Variants in TSR1 observed in about 807,000 individuals in gnomAD.
TSR1 encodes the protein pre-rRNA-processing protein TSR1 homolog.
TSR1 carries 81 observed loss-of-function variants against 90.9 expected under a neutral mutation model. The observed-to-expected ratio is 0.89, with a 90% CI of 0.74 to 1.07. The LOEUF (loss-of-function observed/expected upper bound fraction) is 1.07. TSR1 is among the 50% of genes least tolerant of loss of function. The pLI is 0.00. For missense variants in TSR1, 989 were observed against 987.3 expected (o/e 1.00, Z -0.02); for synonymous variants, 362 against 348.8 (o/e 1.04, Z -0.42).
intron 11 of TSR1, among the ~76,000 whole-genome samples, chr17:2,328,225 G>C (rs980491263): frequency 4.3e-5 from 5 of 116,860 alleles, no homozygotes; most frequent in Non-Finnish European, 6.6e-5. Flanking sequence ...TTGAGCATCA[G>C]AGTGAGACTC....
chr17:2,333,813 A>G (rs2064025196), intron 5 of TSR1, 97 bp from the exon 6 acceptor site: 1 of 1,451,348 alleles, frequency 6.9e-7, no homozygotes, highest in South Asian at 1.2e-5. Flanking sequence ...GTCCTCATGT[A>G]TAAGATGAGT....
intron 9 of TSR1, 124 bp from the exon 10 acceptor site, chr17:2,330,749 G>A: frequency 8.8e-7 from 1 of 1,136,346 alleles, no homozygotes; most frequent in South Asian, 1.5e-5. Flanking sequence ...CATCCTTCAA[G>A]ATGCTTCATT....
intron 10 of TSR1, 57 bp downstream of exon 10, chr17:2,330,458 T>G: frequency 6.6e-7 from 1 of 1,515,926 alleles, no homozygotes; most frequent in Admixed American, 1.7e-5. Flanking sequence ...TTTTAGACTG[T>G]CAGAAGCAGC....
chr17:2,329,206 C>T, intron 11 of TSR1, 137 bp downstream of exon 11: 2 of 1,306,762 alleles, frequency 1.5e-6, no homozygotes, highest in Non-Finnish European at 2.2e-6. Flanking sequence ...ACATCATTGG[C>T]TCTTAAGCCA....
chr17:2,335,360 T>C lies in TSR1; in HGVS notation c.456A>G (p.Val152=). 1 of 1,613,538 alleles carries C rather than the reference T, an allele frequency of 6.2e-7. No individual in the cohort carries two copies. The highest frequency in any genetic ancestry group is 8.5e-7 in the Non-Finnish European group (1 of 1,179,990). The part of the protein sequence containing the change: ...DLHVVLDMAK[V]ADTILFLLDP... ...CAAGGAGGAACAGGATGGTATCAGC[T>C]ACTTTAGCCATGTCTAACACAACGT... Residue 152 remains valine, a synonymous_variant, in exon 4 of 15, where the codon GTA becomes GTG. Coordinates refer to ENST00000301364, the MANE Select transcript of TSR1 (RefSeq NM_018128.5).
chr17:2,332,310 TC>T lies in TSR1; in HGVS notation c.1354del (p.Glu452SerfsTer12), dbSNP rs1287403475. 1.9e-6 allele frequency: 3 copies of T among 1,610,418 alleles called. No homozygotes were observed. The highest frequency in any genetic ancestry group is 2.5e-6 in the Non-Finnish European group (3 of 1,179,232). On this transcript the variant is annotated frameshift_variant, in exon 8 of 15. Transcript: ENST00000301364. LOFTEE classifies it high-confidence loss of function. Reference sequence around the variant, plus strand: ...ATCATACAGATCATCATGCACAGACTCCCCAATAGTCATAGTTTCATATTCT... The same window carrying T: ...ATCATACAGATCATCATGCACAGACTCCCAATAGTCATAGTTTCATATTCT... Reference protein sequence around the residue: ...EEEYETMTIGESVHDDLYDKK... With the variant: ...EEEYETMTIGXSVHDDLYDKK...
chr17:2,333,105 A>G lies in TSR1; in HGVS notation c.1161T>C (p.Ser387=), dbSNP rs1241745854. ...CTTTGGGGACCTTCTTTACCACCTT[A>G]GAACTTTCCTTCAAGAAATCTGTAA... ...SEAKDFLKES[S]KVVKKVPKGT... The change falls in exon 7 of 15, where the codon TCT becomes TCC. Residue 387 remains serine, a synonymous_variant. Transcript: ENST00000301364. 6.2e-7 allele frequency: 1 copy of G among 1,613,524 alleles called. No individual in the cohort carries two copies. The highest frequency in any genetic ancestry group is 2.2e-5 in the East Asian group (1 of 44,878).
rs1295942391 is a variant in TSR1, at chr17:2,332,314, C to A, written c.1351G>T (p.Gly451Trp). The A allele has an allele frequency of 1.9e-6, 3 of 1,610,490 alleles. No homozygotes were observed. Among genetic ancestry groups the A allele is most frequent in the Non-Finnish European group, 2.5e-6 (3 of 1,179,274 alleles). Residue 451 changes from glycine to tryptophan, a missense_variant, in exon 8 of 15, where the codon GGG becomes TGG. Transcript: ENST00000301364. ...EEEEYETMTI[G>W]ESVHDDLYDK... The stretch of plus-strand genomic sequence containing the variant: ...TACAGATCATCATGCACAGACTCCC[C>A]AATAGTCATAGTTTCATATTCTTCC...
At position 2,324,101 on chromosome 17, in the gene TSR1, C is replaced by G; in HGVS notation, c.*95G>C. 6.9e-7 allele frequency: 1 copy of G among 1,455,578 alleles called. No individual in the cohort carries two copies. The highest frequency in any genetic ancestry group is 2.3e-5 in the East Asian group (1 of 43,602). The allele number at this position is 1,455,578 out of a possible 1,614,324, so 90.2% of individuals were successfully genotyped here. On this transcript the variant is annotated 3_prime_UTR_variant, in exon 15 of 15. Transcript: ENST00000301364. ...CAAAATGGGGCAGTGGACTGACAGG[C>G]TGACATAGAAAATAAACTTTGCCCA...
intron 1 of TSR1, 64 bp downstream of exon 1, chr17:2,336,267 G>A: frequency 6.2e-7 from 1 of 1,606,766 alleles, no homozygotes; most frequent in Non-Finnish European, 8.5e-7. Context: ...GCTCAGTCTG[G>A]GCATGAGGAA....
At chr17:2,329,058 T>A in intron 11 of TSR1, 1 of 603,894 alleles carries the variant, frequency 1.7e-6, no homozygotes, top group Middle Eastern at 2.8e-4. Context: ...GCACCCACCC[T>A]AATACCCTTT....
rs1194273944 is a variant in TSR1 at position 2,332,299 on chromosome 17, C to T, written c.1366G>A (p.Asp456Asn). The T allele has an allele frequency of 1.2e-6, 2 of 1,613,698 alleles. No individual in the cohort carries two copies. The highest frequency in any genetic ancestry group is 1.7e-5 in the Admixed American group (1 of 59,868). ...TCTACTTTCTTATCATACAGATCATCATGCACAGACTCCCCAATAGTCATA... is the reference window on the plus strand; with the variant it reads ...TCTACTTTCTTATCATACAGATCATTATGCACAGACTCCCCAATAGTCATA... The part of the protein sequence containing the change: ...ETMTIGESVH[D>N]DLYDKKVDEE... Residue 456 changes from aspartate (D) to asparagine (N), a missense_variant, in exon 8 of 15, where the codon GAT (aspartate) becomes AAT (asparagine). Transcript: ENST00000301364.
At position 2,334,719 on chromosome 17, in the gene TSR1, G is replaced by C. The variant is rs2064035792; in HGVS notation, c.734C>G (p.Ala245Gly). Residue 245 changes from alanine to glycine, a missense_variant, in exon 5 of 15, where the codon GCT (alanine) becomes GGT (glycine). Physicochemically the swap from Ala to Gly is moderately conservative, Grantham distance 60. Transcript: ENST00000301364. The part of the protein sequence containing the change: ...QLANQKQQHL[A>G]FRDRRAYLFA... ...TAGGTAGGCCCGCCGATCTCGAAAA[G>C]CAAGATGCTGTTGCTTCTGGTTAGC... is the stretch of plus-strand genomic sequence containing the variant. The C allele has an allele frequency of 2.5e-6, 4 of 1,614,028 alleles. No individual in the cohort carries two copies. The African/African-American group carries it at 5.3e-5, about 22-fold the overall frequency.
Position 2,336,387 on chromosome 17 carries a change from T to A in TSR1, c.41A>T (p.Lys14Ile). The A allele has an allele frequency of 6.2e-7, 1 of 1,613,380 alleles. No homozygotes were observed. The highest frequency in any genetic ancestry group is 8.5e-7 in the Non-Finnish European group (1 of 1,180,036). Residue 14 changes from lysine (K) to isoleucine (I), a missense_variant, in exon 1 of 15, where the codon AAA becomes ATA. Lys to Ile is a moderately radical substitution (Grantham distance 102, BLOSUM62 -3). Coordinates refer to ENST00000301364, the MANE Select transcript of TSR1 (RefSeq NM_018128.5). Reference sequence around the variant, plus strand: ...CCGATGCCGTCCGCCTTTATGAGCTTTATTCTGCTGCTTGAGCGGGCCGGG... The same window carrying A: ...CCGATGCCGTCCGCCTTTATGAGCTATATTCTGCTGCTTGAGCGGGCCGGG... ...HRPGPLKQQNKAHKGGRHRGR... is the reference protein window; with the variant it reads ...HRPGPLKQQNIAHKGGRHRGR...
chr17:2,322,900 G>T lies in TSR1; in HGVS notation c.*1296C>A. ...CTACCTCAGCCTCTTGAGTAGCTGG[G>T]ATTACAGGGGTCTGCCACCACGCCT... On this transcript the variant is annotated 3_prime_UTR_variant, in exon 15 of 15. Transcript: ENST00000301364. The T allele has an allele frequency of 2.1e-6, 1 of 470,908 alleles. No homozygotes were observed. Among genetic ancestry groups the T allele is most frequent in the Non-Finnish European group, 3.9e-6 (1 of 256,412 alleles). 29.2% of individuals were successfully genotyped at this position (470,908 alleles called of 1,614,324 possible).
At chr17:2,330,483 ACCC>A (rs761620235) in intron 10 of TSR1, 29 bp downstream of exon 10, 3 of 1,594,400 alleles carry the variant, frequency 1.9e-6, no homozygotes, top group Non-Finnish European at 2.6e-6. Flanking sequence ...AAGTTTCACA[ACCC>A]CCCATTTTCC....
rs559657067 is a variant in TSR1, at chr17:2,329,959, G to A, written c.1771-484C>T. Among the ~76,000 whole-genome samples, 8 of 150,974 alleles carry A rather than the reference G, an allele frequency of 5.3e-5. No individual in the cohort carries two copies. In the South Asian group the frequency reaches 1.7e-3, roughly 32 times the overall value. ...TTGACATAAGAGTTTCGCTCTTGTT[G>A]CCCAGGCTGGAGTGCAATGGTGCAA... is the stretch of plus-strand genomic sequence containing the variant. On this transcript the variant is annotated intron_variant, in intron 10 of 14. Coordinates refer to ENST00000301364, the MANE Select transcript of TSR1 (RefSeq NM_018128.5).
At chr17:2,330,313 A>G (rs1218061658) in intron 10 of TSR1, 1 of 704,518 alleles carries the variant, frequency 1.4e-6, no homozygotes, top group Admixed American at 1.8e-5. Context: ...AGATTGCATC[A>G]CTGAGATGCT....
intron 2 of TSR1, 127 bp from the exon 3 acceptor site, chr17:2,335,857 T>C: frequency 1.5e-6 from 2 of 1,293,272 alleles, no homozygotes; most frequent in Admixed American, 2.2e-5. Context: ...ACCACAGGTA[T>C]GCCAGCGGGG....
Sources: allele counts gnomAD v4.1 joint callset (sites outside exome capture counted in the v4.1 genomes callset), GRCh38; gene constraint gnomAD v4.1.1; transcripts MANE v1.5; gene names NCBI Gene and HGNC (gene_info 2026-07-23, HGNC 2026-07-21).